The following SYCP1 variants were observed in gnomAD, a reference collection of about 807,000 sequenced individuals.
SYCP1 encodes cancer/testis antigen 8.
SYCP1 carries 64 observed loss-of-function variants against 153.1 expected under a neutral mutation model. That is an observed-to-expected ratio of 0.42 (90% confidence interval 0.34 to 0.51). The LOEUF is 0.51. SYCP1 is among the 20% of genes least tolerant of loss of function. SYCP1 has a pLI of 0.06. For synonymous variants in SYCP1, 384 were observed against 341.8 expected, an observed-to-expected ratio of 1.12 and a Z score of -1.36; for missense variants, 997 against 1,049.0, an observed-to-expected ratio of 0.95 and a Z score of 0.68.
intron 23 of SYCP1, among the ~76,000 whole-genome samples, chr1:114,941,873 T>C (rs185804430): frequency 6.6e-6 from 1 of 152,260 alleles, no homozygotes; most frequent in East Asian, 1.9e-4. Flanking sequence ...CTTCAGGCTA[T>C]GTGTAAGGTA....
chr1:114,984,751 A>C lies in SYCP1; in HGVS notation c.2586A>C (p.Lys862Asn), dbSNP rs763267715. ...CATATACAGTGAAGACACCAACAAA[A>C]CCAAAACTACAGCAAAGAGAAAACT... ...PKAYTVKTPTKPKLQQRENLN... is the reference protein window; with the variant it reads ...PKAYTVKTPTNPKLQQRENLN... The change falls in exon 30 of 32, where the codon AAA (lysine) becomes AAC (asparagine). Residue 862 changes from lysine (K) to asparagine (N), a missense_variant. Physicochemically the swap from Lys to Asn is moderately conservative, Grantham distance 94. This residue lies in a region of SYCP1 where 712 missense variants were observed against 682.9 expected (regional missense o/e 1.04). Transcript: ENST00000369522. 1.3e-6 allele frequency: 2 copies of C among 1,489,154 alleles called. No individual in the cohort carries two copies. Among genetic ancestry groups the C allele is most frequent in the Non-Finnish European group, 1.8e-6 (2 of 1,124,440 alleles). The allele number at this position is 1,489,154 out of a possible 1,614,324, so 92.2% of individuals were successfully genotyped here.
chr1:114,863,651 T>C (rs1664526239), intron 8 of SYCP1, among the ~76,000 whole-genome samples: 1 of 152,216 alleles, frequency 6.6e-6, no homozygotes, highest in Non-Finnish European at 1.5e-5. Flanking sequence ...TGGTATCTCA[T>C]TGTGGTCTGG....
Position 114,965,586 on chromosome 1 carries a change from G to A in SYCP1, c.2323-11971G>A, listed in dbSNP as rs531007741. On this transcript the variant is annotated intron_variant, in intron 27 of 31. Coordinates refer to ENST00000369522, the MANE Select transcript of SYCP1 (RefSeq NM_003176.4). ...GCATGAAGGGGTGTTGAATTTTATC[G>A]AAGGCCTTTTCTGCATCTATTGAGA... Among the ~76,000 whole-genome samples, 10 of 152,174 alleles carry A rather than the reference G, an allele frequency of 6.6e-5. No homozygotes were observed. The South Asian group carries it at 1.7e-3, about 25-fold the overall frequency.
At chr1:114,872,829 A>G (rs774126994) in intron 8 of SYCP1, among the ~76,000 whole-genome samples, 34 of 151,254 alleles carry the variant, frequency 2.2e-4, no homozygotes, top group Admixed American at 5.3e-4. Flanking sequence ...TCTTCGTTTT[A>G]TTTTTTTTAG....
At chr1:114,953,063 A>G (rs906415603) in intron 27 of SYCP1, among the ~76,000 whole-genome samples, 2 of 152,232 alleles carry the variant, frequency 1.3e-5, no homozygotes, top group African/African-American at 2.4e-5. Context: ...GCAAAGAATA[A>G]CAAGAGGGCC....
intron 12 of SYCP1, among the ~76,000 whole-genome samples, chr1:114,878,834 C>T (rs1295641834): frequency 1.3e-5 from 2 of 152,152 alleles, no homozygotes; most frequent in Non-Finnish European, 2.9e-5. Context: ...TGAGCCACTG[C>T]GCCTAGCAAA....
At chr1:114,858,298 A>AT (rs1428579705) in intron 5 of SYCP1, among the ~76,000 whole-genome samples, 4 of 152,154 alleles carry the variant, frequency 2.6e-5, no homozygotes, top group Non-Finnish European at 5.9e-5. Context: ...TAACTAAAAT[A>AT]TTTTTATGGA....
At chr1:114,963,769 A>G (rs1465607229) in intron 27 of SYCP1, among the ~76,000 whole-genome samples, 1 of 152,160 alleles carries the variant, frequency 6.6e-6, no homozygotes, top group Non-Finnish European at 1.5e-5. Context: ...TATCCAGTCT[A>G]TCATTGATGG....
intron 20 of SYCP1, among the ~76,000 whole-genome samples, chr1:114,917,814 A>G (rs1286182531): frequency 6.6e-6 from 1 of 151,782 alleles, no homozygotes; most frequent in Admixed American, 6.6e-5. Flanking sequence ...TCTTTCGCCC[A>G]TTTTTTCCCA....
intron 27 of SYCP1, among the ~76,000 whole-genome samples, chr1:114,962,429 T>C (rs1671841109): frequency 6.6e-6 from 1 of 152,228 alleles, no homozygotes; most frequent in Admixed American, 6.5e-5. Flanking sequence ...TTTGTCTTTT[T>C]AAACTGTTGT....
intron 23 of SYCP1, among the ~76,000 whole-genome samples, chr1:114,935,203 T>C (rs941260442): frequency 6.6e-6 from 1 of 152,022 alleles, no homozygotes; most frequent in East Asian, 1.9e-4. Context: ...TTGTAACAAA[T>C]TGTCTCTCAG....
chr1:114,969,654 A>G lies in SYCP1; in HGVS notation c.2323-7903A>G, dbSNP rs551542421. ...CAGCCCCTTTTCCAGGGGAGCGAAC[A>G]GTTCTGTCTCATTGGAGTTTCATGT... On this transcript the variant is annotated intron_variant, in intron 27 of 31. Transcript: ENST00000369522. Among the ~76,000 whole-genome samples the G allele has an allele frequency of 3.9e-5, 6 of 152,264 alleles. No individual in the cohort carries two copies. The East Asian group carries it at 1.2e-3, about 29-fold the overall frequency.
intron 27 of SYCP1, among the ~76,000 whole-genome samples, chr1:114,963,185 C>CT (rs1261180599): frequency 1.3e-5 from 2 of 151,980 alleles, no homozygotes; most frequent in African/African-American, 4.8e-5. Flanking sequence ...CCTGGGTATT[C>CT]TTTGAGCCTC....
Position 114,911,572 on chromosome 1 carries a change from G to A in SYCP1, c.1519G>A (p.Glu507Lys). Residue 507 changes from glutamate (E) to lysine (K), a missense_variant, in exon 18 of 32, where the codon GAA becomes AAA. Around this residue, in one of 2 missense-constraint regions of SYCP1, gnomAD observed 712 missense variants for 682.9 expected, o/e 1.04. Coordinates refer to ENST00000369522, the MANE Select transcript of SYCP1 (RefSeq NM_003176.4). ...GGTTAAAGATCTAAAAACTGAGCTT[G>A]AAAACGAGAAGTATGTTTTCCATTT... ...KEVKDLKTEL[E>K]NEKLKNTELT... 1 of 1,491,206 alleles carries A rather than the reference G, an allele frequency of 6.7e-7. No homozygotes were observed. Among genetic ancestry groups the A allele is most frequent in the Non-Finnish European group, 8.9e-7 (1 of 1,119,754 alleles). The allele number at this position is 1,491,206 out of a possible 1,614,324, so 92.4% of individuals were successfully genotyped here.
At chr1:114,885,973 G>A (rs1012704721) in intron 13 of SYCP1, 152 bp from the exon 14 acceptor site, 2 of 532,722 alleles carry the variant, frequency 3.8e-6, no homozygotes, top group African/African-American at 3.9e-5. Context: ...TGAAATAAGA[G>A]TAGTGGGTGG....
chr1:114,955,211 A>AT (rs1671359829), intron 27 of SYCP1, among the ~76,000 whole-genome samples: 1 of 152,010 alleles, frequency 6.6e-6, no homozygotes, highest in Non-Finnish European at 1.5e-5. Flanking sequence ...ACCTTGGTTG[A>AT]TTTTTTGAAT....
Position 114,886,309 on chromosome 1 carries a change from G to A in SYCP1, c.1190G>A (p.Arg397Lys). 19 of 1,494,800 alleles carry A rather than the reference G, an allele frequency of 1.3e-5. No individual in the cohort carries two copies. Among genetic ancestry groups the A allele is most frequent in the East Asian group, 7.4e-5 (3 of 40,764 alleles). 92.6% of individuals were successfully genotyped at this position (1,494,800 alleles called of 1,614,324 possible). ...LEELLRTEQQ[R>K]LEKNEDQLKI... ...GAATTATTGAGAACAGAACAGCAAA[G>A]GTAAAATATTTATTATTTTTAATAC... Residue 397 changes from arginine to lysine, a missense_variant and splice_region_variant, in exon 14 of 32, where the codon AGA (arginine) becomes AAA (lysine). Transcript: ENST00000369522.
chr1:114,938,076 T>G (rs1229495691), intron 23 of SYCP1, among the ~76,000 whole-genome samples: 1 of 152,188 alleles, frequency 6.6e-6, no homozygotes, highest in African/African-American at 2.4e-5. Context: ...TAAATCATGC[T>G]GCTATAAAGG....
At chr1:114,876,854 T>C in intron 11 of SYCP1, 44 bp downstream of exon 11, 2 of 1,146,012 alleles carry the variant, frequency 1.7e-6, no homozygotes, top group Non-Finnish European at 2.3e-6. Context: ...TATTTGCTAA[T>C]TCATTAAAAA....
Sources: allele counts gnomAD v4.1 joint callset (sites outside exome capture counted in the v4.1 genomes callset), GRCh38; gene constraint gnomAD v4.1.1; regional missense constraint gnomAD v4.1.1; transcripts MANE v1.5; gene names NCBI Gene and HGNC (gene_info 2026-07-23, HGNC 2026-07-21).